Variants in MAML3 observed in about 807,000 individuals in gnomAD.
The protein encoded by MAML3 is mastermind like transcriptional coactivator 3, also known as mastermind-like protein 3.
A neutral mutation model predicts 101.9 loss-of-function variants in MAML3; 27 were observed. The observed-to-expected ratio is 0.27, with a 90% CI of 0.20 to 0.37. MAML3 has a LOEUF of 0.37. Among genes scored for constraint, MAML3 ranks in the 10% least tolerant of loss-of-function variants. The probability of loss-of-function intolerance (pLI) is 1.00; values close to 1 mark genes in which losing one functional copy is unlikely to be tolerated. For synonymous variants in MAML3, 501 were observed against 555.9 expected (o/e 0.90, Z 1.39); for missense variants, 1,316 against 1,444.9 (o/e 0.91, Z 1.45).
intron 1 of MAML3, among the ~76,000 whole-genome samples, chr4:140,124,396 T>C (rs530036724): frequency 6.6e-6 from 1 of 152,314 alleles, no homozygotes; most frequent in African/African-American, 2.4e-5. Context: ...TGGTGCCTAA[T>C]GCAGTGAAAA....
intron 1 of MAML3, among the ~76,000 whole-genome samples, chr4:139,966,668 G>C (rs1416377785): frequency 6.6e-6 from 1 of 152,112 alleles, no homozygotes; most frequent in Non-Finnish European, 1.5e-5. Context: ...CAGAGATGTG[G>C]GCTAGTGATC....
intron 1 of MAML3, among the ~76,000 whole-genome samples, chr4:139,894,511 AAAAGAAAG>A (rs58209239): frequency 0.055 from 7,562 of 136,396 alleles, 229 homozygotes; most frequent in African/African-American, 0.064. Flanking sequence ...TCCATCTTAA[AAAAGAAAG>A]AAAGAAAGAA....
At chr4:139,987,541 A>G (rs1002070383) in intron 1 of MAML3, among the ~76,000 whole-genome samples, 2 of 152,146 alleles carry the variant, frequency 1.3e-5, no homozygotes, top group African/African-American at 4.8e-5. Context: ...TGTTTCTAGC[A>G]TGTCAAAATA....
intron 2 of MAML3, among the ~76,000 whole-genome samples, chr4:139,885,725 C>T (rs1189233750): frequency 6.8e-6 from 1 of 148,042 alleles, no homozygotes; most frequent in East Asian, 2.0e-4. Flanking sequence ...AGATCGAGAC[C>T]ATCCTGGCTA....
intron 1 of MAML3, among the ~76,000 whole-genome samples, chr4:140,005,765 T>C (rs1726432107): frequency 6.6e-6 from 1 of 152,172 alleles, no homozygotes. Flanking sequence ...CATAGGTTTT[T>C]GAAAAAAATA....
chr4:140,049,867 G>A (rs1200613886), intron 1 of MAML3, among the ~76,000 whole-genome samples: 1 of 145,076 alleles, frequency 6.9e-6, no homozygotes, highest in Non-Finnish European at 1.5e-5. Flanking sequence ...AAAAGCAATT[G>A]GCTACGTAAT....
At position 140,153,701 on chromosome 4, in the gene MAML3, G is replaced by A. The variant is rs951900487; in HGVS notation, c.-374C>T. Reference sequence around the variant, plus strand: ...ATCCATTATTTTCTAATAAATTCCAGGAGATTTCCGGTGGTTGGCAAGCAT... The same window carrying A: ...ATCCATTATTTTCTAATAAATTCCAAGAGATTTCCGGTGGTTGGCAAGCAT... On this transcript the variant is annotated 5_prime_UTR_variant, in exon 1 of 5. Coordinates refer to ENST00000509479, the MANE Select transcript of MAML3 (RefSeq NM_018717.5). 3 of 204,464 alleles carry A rather than the reference G, an allele frequency of 1.5e-5. No homozygotes were observed. In the Admixed American group the frequency reaches 1.7e-4, roughly 12 times the overall value. The allele number at this position is 204,464 out of a possible 1,614,324, so 12.7% of individuals were successfully genotyped here.
intron 2 of MAML3, among the ~76,000 whole-genome samples, chr4:139,747,765 A>T (rs1449975700): frequency 6.6e-6 from 1 of 152,016 alleles, no homozygotes; most frequent in Middle Eastern, 3.4e-3. Flanking sequence ...ATAAGAATGC[A>T]TATATAGGCT....
intron 1 of MAML3, among the ~76,000 whole-genome samples, chr4:140,130,391 T>A (rs2111038849): frequency 6.6e-6 from 1 of 152,316 alleles, no homozygotes; most frequent in African/African-American, 2.4e-5. Flanking sequence ...GAAGTTCAAC[T>A]AAAAGTGGTA....
At chr4:139,739,779 A>G (rs1729096127) in intron 2 of MAML3, among the ~76,000 whole-genome samples, 1 of 148,672 alleles carries the variant, frequency 6.7e-6, no homozygotes, top group African/African-American at 2.4e-5. Flanking sequence ...TAGTCTTGTT[A>G]GACAAGAATT....
chr4:139,887,211 A>G (rs1384976666), intron 2 of MAML3, among the ~76,000 whole-genome samples: 2 of 152,218 alleles, frequency 1.3e-5, no homozygotes, highest in East Asian at 3.8e-4. Context: ...GAAATAAATG[A>G]TATGTTTGCA....
intron 2 of MAML3, among the ~76,000 whole-genome samples, chr4:139,737,469 G>A (rs892059931): frequency 6.6e-6 from 1 of 152,104 alleles, no homozygotes; most frequent in African/African-American, 2.4e-5. Flanking sequence ...AAATGGGAAG[G>A]GGGTGGGGAG....
At chr4:139,969,461 T>C (rs1424069134) in intron 1 of MAML3, among the ~76,000 whole-genome samples, 1 of 152,114 alleles carries the variant, frequency 6.6e-6, no homozygotes, top group African/African-American at 2.4e-5. Context: ...CTTTCTTCTT[T>C]CAGCACATTC....
chr4:140,034,317 TGAC>T (rs1173875813), intron 1 of MAML3, among the ~76,000 whole-genome samples: 2 of 152,252 alleles, frequency 1.3e-5, no homozygotes, highest in African/African-American at 4.8e-5. Flanking sequence ...GGTTGTGATT[TGAC>T]TTAGACAGAA....
At chr4:139,972,025 C>A (rs1013390624) in intron 1 of MAML3, among the ~76,000 whole-genome samples, 2 of 152,134 alleles carry the variant, frequency 1.3e-5, no homozygotes, top group African/African-American at 4.8e-5. Context: ...TTTTGATGTT[C>A]TTTTAAATAC....
At chr4:139,986,007 G>C (rs1031238684) in intron 1 of MAML3, among the ~76,000 whole-genome samples, 1 of 152,210 alleles carries the variant, frequency 6.6e-6, no homozygotes, top group African/African-American at 2.4e-5. Context: ...AAGTTCACTA[G>C]GAGCATCCTC....
intron 2 of MAML3, among the ~76,000 whole-genome samples, chr4:139,770,595 G>A (rs1024819158): frequency 4.6e-5 from 7 of 152,142 alleles, no homozygotes; most frequent in African/African-American, 1.7e-4. Context: ...CGAGGCAGGC[G>A]CTCAGTTGGA....
intron 1 of MAML3, among the ~76,000 whole-genome samples, chr4:139,899,918 G>A (rs944319978): frequency 6.6e-6 from 1 of 152,272 alleles, no homozygotes; most frequent in East Asian, 1.9e-4. Flanking sequence ...TCTGGAGGGG[G>A]TGTCAGCCGT....
At chr4:140,017,070 T>C (rs1726653885) in intron 1 of MAML3, among the ~76,000 whole-genome samples, 1 of 152,212 alleles carries the variant, frequency 6.6e-6, no homozygotes, top group Non-Finnish European at 1.5e-5. Context: ...CAAGGATTTC[T>C]ATCTAGACTA....
Sources: allele counts gnomAD v4.1 joint callset (sites outside exome capture counted in the v4.1 genomes callset), GRCh38; gene constraint gnomAD v4.1.1; transcripts MANE v1.5; gene names NCBI Gene and HGNC (gene_info 2026-07-23, HGNC 2026-07-21).